NSD1: variants seen among roughly 807,000 people sequenced by gnomAD.
NSD1 encodes the protein histone-lysine N-methyltransferase, H3 lysine-36 specific.
NSD1 carries 26 observed loss-of-function variants against 242.7 expected under a neutral mutation model. That is an observed-to-expected ratio of 0.11 (90% CI 0.08 to 0.15). The LOEUF (loss-of-function observed/expected upper bound fraction) is 0.15. Ranked by LOEUF, NSD1 falls within the 10% of genes least tolerant of loss-of-function variation. The pLI, the probability that NSD1 is intolerant of heterozygous loss-of-function variation, is 1.00. For synonymous variants in NSD1, 1,106 were observed against 1,178.1 expected (o/e 0.94, Z 1.25); for missense variants, 2,495 against 3,272.8 (o/e 0.76, Z 5.80).
intron 8 of NSD1, among the ~76,000 whole-genome samples, chr5:177,240,101 A>G (rs1436995693): frequency 1.3e-5 from 2 of 152,188 alleles, no homozygotes; most frequent in Non-Finnish European, 2.9e-5. Context: ...AAATTTTTAA[A>G]TGCTTTGAAG....
chr5:177,264,651 CT>C, intron 14 of NSD1: 1 of 451,806 alleles, frequency 2.2e-6, no homozygotes, highest in Non-Finnish European at 4.1e-6. Flanking sequence ...AAACACACCC[CT>C]GGCCCCAACA....
At chr5:177,185,334 C>T (rs959443675) in intron 2 of NSD1, among the ~76,000 whole-genome samples, 8 of 151,884 alleles carry the variant, frequency 5.3e-5, no homozygotes, top group African/African-American at 1.9e-4. Context: ...TGCTGTGGCT[C>T]ACGTCTGTAA....
chr5:177,286,438 G>A (rs1331996583), intron 20 of NSD1, among the ~76,000 whole-genome samples: 1 of 152,114 alleles, frequency 6.6e-6, no homozygotes, highest in Admixed American at 6.5e-5. Flanking sequence ...GGAATGGGTG[G>A]TTTCAGAGTA....
chr5:177,171,221 C>T (rs1227368954), intron 2 of NSD1, among the ~76,000 whole-genome samples: 1 of 151,762 alleles, frequency 6.6e-6, no homozygotes, highest in Non-Finnish European at 1.5e-5. Context: ...GAAGGAGAAT[C>T]GCTTGAACCA....
At chr5:177,237,531 CTTTT>C (rs35657331) in intron 6 of NSD1, among the ~76,000 whole-genome samples, 1 of 123,156 alleles carries the variant, frequency 8.1e-6, no homozygotes, top group Non-Finnish European at 1.7e-5. Context: ...ATTATTTTAT[CTTTT>C]TTTTTTTTTT....
chr5:177,158,293 C>CTTTCTTTTCTTTTCT (rs57903249), intron 2 of NSD1, among the ~76,000 whole-genome samples: 425 of 77,712 alleles, frequency 5.5e-3, no homozygotes, highest in Middle Eastern at 0.038. Flanking sequence ...TTCTTTCTTT[C>CTTTCTTTTCTTTTCT]TTTCTTTCTT....
chr5:177,286,569 TTATACC>T (rs1417732924), intron 20 of NSD1, among the ~76,000 whole-genome samples: 1 of 152,248 alleles, frequency 6.6e-6, no homozygotes, highest in African/African-American at 2.4e-5. Context: ...GTAGATGATA[TTATACC>T]TATGTTACTT....
At chr5:177,197,247 G>A (rs1055744832) in intron 3 of NSD1, among the ~76,000 whole-genome samples, 1 of 151,836 alleles carries the variant, frequency 6.6e-6, no homozygotes, top group African/African-American at 2.4e-5. Flanking sequence ...TCCAGCCTGG[G>A]CAATGGAGCA....
At chr5:177,173,310 A>G (rs1759880602) in intron 2 of NSD1, among the ~76,000 whole-genome samples, 1 of 145,922 alleles carries the variant, frequency 6.9e-6, no homozygotes, top group African/African-American at 2.6e-5. Flanking sequence ...AAAAAAAAAA[A>G]AGAATTATAT....
Position 177,286,283 on chromosome 5 carries a change from A to G in NSD1, c.6151+2355A>G, listed in dbSNP as rs138296973. On this transcript the variant is annotated intron_variant, in intron 20 of 22. Transcript: ENST00000439151. ...GTTGTGACAATTTTTAGATTTTAAA[A>G]TTTGAGCCACTAGTTACTTTCGGGT... 6.2e-3 allele frequency among the ~76,000 whole-genome samples: 949 copies of G among 152,320 alleles called. 8 individuals are homozygous for G. The highest frequency in any genetic ancestry group is 0.01 in the Non-Finnish European group (693 of 68,016).
At chr5:177,225,144 G>C (rs778387978) in intron 5 of NSD1, among the ~76,000 whole-genome samples, 1 of 151,894 alleles carries the variant, frequency 6.6e-6, no homozygotes, top group Non-Finnish European at 1.5e-5. Flanking sequence ...TGTTGTTGAT[G>C]TTTTTTGTTT....
chr5:177,159,023 T>TAG (rs1562132500), intron 2 of NSD1, among the ~76,000 whole-genome samples: 1 of 119,108 alleles, frequency 8.4e-6, no homozygotes. Context: ...TATATATATA[T>TAG]ATGAATGATA....
chr5:177,138,086 AC>A (rs1562102380), intron 2 of NSD1, among the ~76,000 whole-genome samples: 4 of 137,794 alleles, frequency 2.9e-5, no homozygotes, highest in Non-Finnish European at 6.4e-5. Context: ...AAAAAAAAAA[AC>A]AACAAAAAAA....
intron 3 of NSD1, among the ~76,000 whole-genome samples, chr5:177,198,284 C>A (rs1762253884): frequency 1.3e-5 from 2 of 152,156 alleles, no homozygotes; most frequent in South Asian, 4.1e-4. Flanking sequence ...CCTTGGCCTC[C>A]CAACGTGCTG....
rs140635169 is a variant in NSD1 at position 177,286,066 on chromosome 5, T to C, written c.6151+2138T>C. Among the ~76,000 whole-genome samples the C allele has an allele frequency of 1.4e-4, 22 of 152,182 alleles. No homozygotes were observed. The East Asian group carries it at 3.7e-3, about 25-fold the overall frequency. ...ATCCACCACCATGCCCGGCTATTTT[T>C]TGGTATTTTTAGTAGAGACTCCTGA... On this transcript the variant is annotated intron_variant, in intron 20 of 22. Transcript: ENST00000439151.
At chr5:177,189,747 G>C (rs1761518469) in intron 2 of NSD1, among the ~76,000 whole-genome samples, 1 of 152,084 alleles carries the variant, frequency 6.6e-6, no homozygotes. Context: ...AAATAAGCAA[G>C]TTCCATATTT....
chr5:177,148,240 C>T (rs1581128157), intron 2 of NSD1, among the ~76,000 whole-genome samples: 1 of 151,542 alleles, frequency 6.6e-6, no homozygotes, highest in Non-Finnish European at 1.5e-5. Context: ...TTCTCAGCCT[C>T]GCATGTAGCT....
intron 2 of NSD1, among the ~76,000 whole-genome samples, chr5:177,156,973 A>G (rs1327257060): frequency 1.3e-5 from 2 of 152,096 alleles, no homozygotes; most frequent in South Asian, 2.1e-4. Context: ...TCTGTCTCTA[A>G]ATAAATAAAT....
At chr5:177,240,493 C>T (rs2149890214) in intron 8 of NSD1, among the ~76,000 whole-genome samples, 1 of 152,024 alleles carries the variant, frequency 6.6e-6, no homozygotes, top group South Asian at 2.1e-4. Context: ...GCGGGCGGAT[C>T]ACAAGGTCAG....
Sources: gnomAD v4.1 joint callset for allele counts (sites outside exome capture counted in the v4.1 genomes callset) on GRCh38, gnomAD v4.1.1 for gene constraint, MANE v1.5 for transcripts, NCBI Gene and HGNC (gene_info 2026-07-23, HGNC 2026-07-21) for gene names.